CLCN3: variants seen among roughly 807,000 people sequenced by gnomAD.
The protein encoded by CLCN3 is Cl-/H+ antiporter 3.
In CLCN3, 16 loss-of-function variants were observed where a neutral mutation model predicts 83.4. The observed-to-expected ratio is 0.19, with a 90% CI of 0.13 to 0.29. The LOEUF (loss-of-function observed/expected upper bound fraction) is 0.29. Ranked by LOEUF, CLCN3 falls within the 10% of genes least tolerant of loss-of-function variation. The pLI is 1.00. For synonymous variants in CLCN3, 322 were observed against 346.2 expected (o/e 0.93, Z 0.78); for missense variants, 544 against 1,006.0 (o/e 0.54, Z 6.21).
At chr4:169,679,055 G>T (rs1731803471) in intron 2 of CLCN3, among the ~76,000 whole-genome samples, 1 of 151,572 alleles carries the variant, frequency 6.6e-6, no homozygotes, top group African/African-American at 2.4e-5. Flanking sequence ...CCACCTCCCA[G>T]ACTGGGTGGC....
At chr4:169,662,560 G>T (rs752721375) in intron 2 of CLCN3, among the ~76,000 whole-genome samples, 6 of 152,108 alleles carry the variant, frequency 3.9e-5, no homozygotes, top group Non-Finnish European at 8.8e-5. Context: ...GATTAAAATT[G>T]ATCTTCAGCC....
rs1733703704 is a variant in CLCN3, at chr4:169,723,614, C to CT, written c.*3617_*3618insT. On this transcript the variant is annotated 3_prime_UTR_variant, in exon 13 of 13. Transcript: ENST00000513761. The stretch of plus-strand genomic sequence containing the variant: ...GCCAAAAGAGGGTGGTAAGTAACAA[C>CT]CTTTGATTAAGATGTGGTCTTTTAC... The CT allele has an allele frequency of 6.6e-6, 1 of 151,838 alleles. No individual in the cohort carries two copies. Among genetic ancestry groups the CT allele is most frequent in the Non-Finnish European group, 1.5e-5 (1 of 67,976 alleles). 9.4% of individuals were successfully genotyped at this position (151,838 alleles called of 1,614,324 possible). A position where few individuals can be genotyped will look rare whatever the true frequency, so the allele number is the denominator to read the frequency against.
chr4:169,655,706 A>G (rs1186098964), intron 2 of CLCN3, among the ~76,000 whole-genome samples: 1 of 152,060 alleles, frequency 6.6e-6, no homozygotes, highest in South Asian at 2.1e-4. Flanking sequence ...GAATCTCCCT[A>G]TGTTACCCAG....
chr4:169,670,117 T>A (rs1474703200), intron 2 of CLCN3, among the ~76,000 whole-genome samples: 6 of 152,226 alleles, frequency 3.9e-5, no homozygotes. Flanking sequence ...GCAGAAGCTC[T>A]TTAGTTTAAT....
At chr4:169,645,137 T>C (rs1730537470) in intron 2 of CLCN3, among the ~76,000 whole-genome samples, 1 of 152,216 alleles carries the variant, frequency 6.6e-6, no homozygotes, top group Admixed American at 6.5e-5. Flanking sequence ...ATCGAAAGTG[T>C]TGTTTTTAAC....
intron 2 of CLCN3, among the ~76,000 whole-genome samples, chr4:169,644,919 T>C (rs147455658): frequency 2.6e-5 from 4 of 152,188 alleles, no homozygotes; most frequent in African/African-American, 9.6e-5. Flanking sequence ...ATCCGAGGAA[T>C]GAAAGTGGCC....
At chr4:169,670,046 CA>C (rs1477704529) in intron 2 of CLCN3, among the ~76,000 whole-genome samples, 2 of 152,140 alleles carry the variant, frequency 1.3e-5, no homozygotes, top group Admixed American at 1.3e-4. Flanking sequence ...GGATAGATTG[CA>C]AAAGTTTTCT....
At chr4:169,712,445 G>A (rs1304903787) in intron 11 of CLCN3, among the ~76,000 whole-genome samples, 2 of 152,076 alleles carry the variant, frequency 1.3e-5, no homozygotes, top group Non-Finnish European at 2.9e-5. Flanking sequence ...GCACACTGGA[G>A]AGGAGAAATT....
At chr4:169,697,063 C>A in intron 8 of CLCN3, 126 bp from the exon 9 acceptor site, 1 of 628,710 alleles carries the variant, frequency 1.6e-6, no homozygotes, top group Non-Finnish European at 2.6e-6. Flanking sequence ...CAGTAAAATC[C>A]ATTACATGTA....
intron 1 of CLCN3, among the ~76,000 whole-genome samples, chr4:169,629,722 G>T (rs1773322853): frequency 6.6e-6 from 1 of 152,108 alleles, no homozygotes. Flanking sequence ...AGCAAAAATT[G>T]AGTGTCAGAC....
intron 2 of CLCN3, among the ~76,000 whole-genome samples, chr4:169,652,683 C>T (rs1730763199): frequency 6.6e-6 from 1 of 152,100 alleles, no homozygotes; most frequent in Non-Finnish European, 1.5e-5. Context: ...GGTCATAGGT[C>T]ATGTTTTCCC....
chr4:169,704,173 C>T lies in CLCN3; in HGVS notation c.1739C>T (p.Ala580Val), dbSNP rs143673320. The T allele has an allele frequency of 2.6e-4, 426 of 1,611,900 alleles. No individual in the cohort carries two copies. Among genetic ancestry groups the T allele is most frequent in the Non-Finnish European group, 3.4e-4 (405 of 1,178,924 alleles). Residue 580 changes from alanine to valine, a missense_variant, in exon 10 of 13, where the codon GCT becomes GTT. Ala to Val is a moderately conservative substitution (Grantham distance 64). Around this residue, in one of 6 missense-constraint regions of CLCN3, gnomAD observed 27 missense variants for 100.2 expected, o/e 0.27. Transcript: ENST00000513761. ...GGCCTTTATGCCATGGTTGGTGCTG[C>T]TGCATGCTTAGGTAATATGGCTGTG... ...TPGLYAMVGA[A>V]ACLGGVTRMT...
At chr4:169,677,792 T>C (rs1219579349) in intron 2 of CLCN3, among the ~76,000 whole-genome samples, 1 of 152,256 alleles carries the variant, frequency 6.6e-6, no homozygotes, top group Non-Finnish European at 1.5e-5. Flanking sequence ...ACACTTCATC[T>C]TTACTAATCT....
chr4:169,690,389 A>G, intron 5 of CLCN3, 141 bp from the exon 6 acceptor site: 2 of 758,752 alleles, frequency 2.6e-6, no homozygotes, highest in East Asian at 2.9e-5. Flanking sequence ...CAGGTGATCC[A>G]CCCGCCTCAA....
chr4:169,621,207 A>T, intron 1 of CLCN3, 144 bp downstream of exon 1: 1 of 310,630 alleles, frequency 3.2e-6, no homozygotes, highest in Non-Finnish European at 5.8e-6. Flanking sequence ...TGGGATGCTA[A>T]CCCATCCTGA....
At chr4:169,633,774 C>G (rs1773440372) in intron 1 of CLCN3, among the ~76,000 whole-genome samples, 1 of 152,126 alleles carries the variant, frequency 6.6e-6, no homozygotes, top group Non-Finnish European at 1.5e-5. Flanking sequence ...TATAAAATTT[C>G]TAGTCAAATA....
At chr4:169,707,463 A>G (rs190110542) in intron 11 of CLCN3, among the ~76,000 whole-genome samples, 197 bp downstream of exon 11, 165 of 152,144 alleles carry the variant, frequency 1.1e-3, no homozygotes, top group African/African-American at 3.9e-3. Flanking sequence ...GAAAATCTGT[A>G]TTTCAGTTTT....
At chr4:169,713,397 G>A (rs1015136000) in intron 12 of CLCN3, 102 bp downstream of exon 12, 4 of 870,840 alleles carry the variant, frequency 4.6e-6, no homozygotes, top group Non-Finnish European at 7.5e-6. Flanking sequence ...CAGCTCCCAG[G>A]TGGGAAAGTC....
chr4:169,647,389 C>G (rs1199731043), intron 2 of CLCN3, among the ~76,000 whole-genome samples: 1 of 151,074 alleles, frequency 6.6e-6, no homozygotes, highest in Non-Finnish European at 1.5e-5. Flanking sequence ...GACCCCATCT[C>G]AAGAAAAAAA....
Sources: gnomAD v4.1 joint callset for allele counts (sites outside exome capture counted in the v4.1 genomes callset) on GRCh38, gnomAD v4.1.1 for gene constraint, gnomAD v4.1.1 regional missense constraint, MANE v1.5 for transcripts, NCBI Gene and HGNC (gene_info 2026-07-23, HGNC 2026-07-21) for gene names.